Variants in BCKDHB observed in about 807,000 individuals in gnomAD.
BCKDHB encodes branched chain keto acid dehydrogenase E1 subunit beta, also known as 2-oxoisovalerate dehydrogenase subunit beta, mitochondrial.
In BCKDHB, 41 loss-of-function variants were observed where a neutral mutation model predicts 48.5. The ratio of observed to expected loss-of-function variants is 0.85; its 90% CI spans 0.66 to 1.10. The LOEUF (loss-of-function observed/expected upper bound fraction) is 1.10. Ranked by LOEUF, BCKDHB falls within the 50% of genes least tolerant of loss-of-function variation. The pLI, the probability that BCKDHB is intolerant of heterozygous loss-of-function variation, is 0.00. For missense variants in BCKDHB, 496 were observed against 494.2 expected, an observed-to-expected ratio of 1.00 and a Z score of -0.03; for synonymous variants, 201 against 174.8, an observed-to-expected ratio of 1.15 and a Z score of -1.18.
the BCKDHB span, among the ~76,000 whole-genome samples, chr6:80,465,391 C>G: frequency 6.6e-6 from 1 of 152,166 alleles, no homozygotes; most frequent in Non-Finnish European, 1.5e-5. Context: ...TCACAGCTTT[C>G]CAAACTATAG....
intron 9 of BCKDHB, among the ~76,000 whole-genome samples, chr6:80,296,417 TGTA>T (rs1582524248): frequency 1.3e-5 from 2 of 152,336 alleles, no homozygotes; most frequent in East Asian, 3.9e-4. Context: ...ATATTGGAAT[TGTA>T]GGAGTTTCCC....
At chr6:80,445,077 G>A in the BCKDHB span, among the ~76,000 whole-genome samples, 1 of 152,094 alleles carries the variant, frequency 6.6e-6, no homozygotes, top group Non-Finnish European at 1.5e-5. Context: ...TCCACCCTTA[G>A]TATGAGGCAA....
the BCKDHB span, among the ~76,000 whole-genome samples, chr6:80,365,499 G>A: frequency 6.6e-6 from 1 of 152,006 alleles, no homozygotes; most frequent in Admixed American, 6.6e-5. Flanking sequence ...TCTCCTACTT[G>A]CGTGTCCGTT....
chr6:80,207,918 GGAGACTTT>G (rs1413829891), intron 8 of BCKDHB, among the ~76,000 whole-genome samples: 1 of 151,772 alleles, frequency 6.6e-6, no homozygotes, highest in Non-Finnish European at 1.5e-5. Flanking sequence ...AGTTACAGCA[GGAGACTTT>G]AAGACATCCC....
At chr6:80,290,665 C>A (rs1223096595) in intron 9 of BCKDHB, among the ~76,000 whole-genome samples, 1 of 152,084 alleles carries the variant, frequency 6.6e-6, no homozygotes, top group Non-Finnish European at 1.5e-5. Context: ...CCAATTCAGA[C>A]CCCAAGAGAG....
At chr6:80,208,449 G>A (rs1273828716) in intron 8 of BCKDHB, among the ~76,000 whole-genome samples, 2 of 151,634 alleles carry the variant, frequency 1.3e-5, no homozygotes, top group African/African-American at 2.4e-5. Context: ...AGAGAAAGTA[G>A]AAGAAATGAA....
In BCKDHB at chr6:80,344,263, CCAAAG is replaced by C; in HGVS notation, c.*460_*464del. 1 of 231,532 alleles carries C rather than the reference CCAAAG, an allele frequency of 4.3e-6. No homozygotes were observed. The highest frequency in any genetic ancestry group is 8.6e-6 in the Non-Finnish European group (1 of 116,472). The allele number at this position is 231,532 out of a possible 1,614,324, so 14.3% of individuals were successfully genotyped here. ...CAAGTGATCCACCTGCCTTAGCCTC[CCAAAG>C]TGCTGGGATTACAGGCATGAGCCAC... On this transcript the variant is annotated 3_prime_UTR_variant, in exon 10 of 10. Coordinates refer to ENST00000320393, the MANE Select transcript of BCKDHB (RefSeq NM_183050.4).
At chr6:80,309,911 G>GTA (rs1768069217) in intron 9 of BCKDHB, among the ~76,000 whole-genome samples, 1 of 151,976 alleles carries the variant, frequency 6.6e-6, no homozygotes, top group Non-Finnish European at 1.5e-5. Flanking sequence ...ATGTTCATGT[G>GTA]TACTCAATGT....
At chr6:80,257,748 G>C (rs987792620) in intron 8 of BCKDHB, among the ~76,000 whole-genome samples, 1 of 152,082 alleles carries the variant, frequency 6.6e-6, no homozygotes, top group East Asian at 1.9e-4. Context: ...TAGGGAGGCG[G>C]TTCTGGTGTA....
At chr6:80,108,927 G>A (rs1769273072) in intron 1 of BCKDHB, among the ~76,000 whole-genome samples, 1 of 152,126 alleles carries the variant, frequency 6.6e-6, no homozygotes, top group Admixed American at 6.5e-5. Context: ...AACATTTTGG[G>A]TGTATCCTTA....
chr6:80,260,333 C>A (rs377184591), intron 8 of BCKDHB, among the ~76,000 whole-genome samples: 8 of 152,162 alleles, frequency 5.3e-5, no homozygotes, highest in African/African-American at 1.7e-4. Context: ...AAAACTGCAT[C>A]TCATCCATTG....
At chr6:80,210,506 C>A (rs979862467) in intron 8 of BCKDHB, among the ~76,000 whole-genome samples, 1 of 151,972 alleles carries the variant, frequency 6.6e-6, no homozygotes, top group Non-Finnish European at 1.5e-5. Flanking sequence ...GCTGATTATT[C>A]AGGTTAAATT....
chr6:80,194,288 A>C (rs1458696681), intron 6 of BCKDHB, among the ~76,000 whole-genome samples: 1 of 152,218 alleles, frequency 6.6e-6, no homozygotes, highest in Non-Finnish European at 1.5e-5. Context: ...GATTGCAAAA[A>C]TAGTATGAAG....
At chr6:80,386,523 G>C in the BCKDHB span, among the ~76,000 whole-genome samples, 1 of 152,116 alleles carries the variant, frequency 6.6e-6, no homozygotes. Context: ...CTCTTCTCTG[G>C]ATGTCAGATC....
chr6:80,463,526 G>A, the BCKDHB span, among the ~76,000 whole-genome samples: 1 of 152,154 alleles, frequency 6.6e-6, no homozygotes, highest in Admixed American at 6.5e-5. Context: ...TTAAAAGATA[G>A]AGAAATGCCT....
intron 3 of BCKDHB, among the ~76,000 whole-genome samples, chr6:80,163,891 A>G (rs1772443740): frequency 2.0e-5 from 3 of 152,216 alleles, no homozygotes. Context: ...TTTCATCAGC[A>G]AATCCTTTTA....
At chr6:80,173,034 C>T (rs1772990243) in intron 6 of BCKDHB, among the ~76,000 whole-genome samples, 1 of 151,982 alleles carries the variant, frequency 6.6e-6, no homozygotes, top group Non-Finnish European at 1.5e-5. Flanking sequence ...TAATGCCAGC[C>T]AGCTGTTATA....
the BCKDHB span, among the ~76,000 whole-genome samples, chr6:80,392,405 A>G: frequency 2.6e-5 from 4 of 151,726 alleles, no homozygotes; most frequent in African/African-American, 9.7e-5. Flanking sequence ...TTAACACCGC[A>G]TGTAGATATG....
At chr6:80,298,847 C>T (rs1344457557) in intron 9 of BCKDHB, among the ~76,000 whole-genome samples, 1 of 152,142 alleles carries the variant, frequency 6.6e-6, no homozygotes, top group Admixed American at 6.5e-5. Context: ...GTTCAGTCTG[C>T]TGTTTGTTGG....
Sources: allele counts gnomAD v4.1 joint callset (sites outside exome capture counted in the v4.1 genomes callset), GRCh38; gene constraint gnomAD v4.1.1; transcripts MANE v1.5; gene names NCBI Gene and HGNC (gene_info 2026-07-23, HGNC 2026-07-21).